The following NCOA1 variants were observed in gnomAD, a reference collection of about 807,000 sequenced individuals.
NCOA1 encodes nuclear receptor coactivator 1, also known as Hin-2 protein.
NCOA1 carries 35 observed loss-of-function variants against 150.9 expected under a neutral mutation model. The observed-to-expected ratio is 0.23, with a 90% confidence interval of 0.18 to 0.31. The LOEUF (loss-of-function observed/expected upper bound fraction) is 0.31. Ranked by LOEUF, NCOA1 falls within the 10% of genes least tolerant of loss-of-function variation. The pLI, the probability that NCOA1 is intolerant of heterozygous loss-of-function variation, is 1.00. For missense variants in NCOA1, 1,491 were observed against 1,749.3 expected (o/e 0.85, Z 2.63); for synonymous variants, 590 against 630.0 (o/e 0.94, Z 0.95).
rs182626888 is a variant in NCOA1, at chr2:24,517,495, G to A, written c.-396+25893G>A. ...TTTCTCTCTCAGGGTTTATGTCTGC[G>A]AGAACCGTTTCACACTGACAGGGTG... On this transcript the variant is annotated intron_variant, in intron 1 of 22. Coordinates refer to ENST00000348332, the MANE Select transcript of NCOA1 (RefSeq NM_003743.5). 1.1e-4 allele frequency among the ~76,000 whole-genome samples: 17 copies of A among 152,176 alleles called. No individual in the cohort carries two copies. In the East Asian group the frequency reaches 3.1e-3, roughly 28 times the overall value.
At chr2:24,501,097 ACAACTGATTGC>A (rs1663442290) in intron 1 of NCOA1, among the ~76,000 whole-genome samples, 1 of 152,250 alleles carries the variant, frequency 6.6e-6, no homozygotes, top group African/African-American at 2.4e-5. Flanking sequence ...GTTTATAAGA[ACAACTGATTGC>A]CATCAGAAGG....
intron 19 of NCOA1, among the ~76,000 whole-genome samples, chr2:24,750,754 A>G (rs1375733003): frequency 6.6e-6 from 1 of 152,114 alleles, no homozygotes; most frequent in Non-Finnish European, 1.5e-5. Context: ...GATCGTGGTA[A>G]TGGCGGCACA....
intron 1 of NCOA1, among the ~76,000 whole-genome samples, chr2:24,538,765 AC>A (rs1207805947): frequency 3.3e-5 from 5 of 152,178 alleles, no homozygotes; most frequent in African/African-American, 4.8e-5. Context: ...TTTGTCATGT[AC>A]GAGACTTCAG....
Position 24,665,753 on chromosome 2 carries a change from GA to G in NCOA1, c.98del (p.Lys33ArgfsTer11). ...SPCDTLASST[E>X]KRRREQENKY... The stretch of plus-strand genomic sequence containing the variant: ...TGGATTTTCTTTGTGTAACAGCACG[GA>G]AAAGAGGCGCAGGGAGCAAGAAAAT... On this transcript the variant is annotated frameshift_variant, in exon 6 of 23. Coordinates refer to ENST00000348332, the MANE Select transcript of NCOA1 (RefSeq NM_003743.5). LOFTEE classifies it high-confidence loss of function. 4.5e-6 allele frequency: 7 copies of G among 1,560,254 alleles called. No homozygotes were observed. The highest frequency in any genetic ancestry group is 2.4e-5 in the East Asian group (1 of 42,146).
intron 1 of NCOA1, among the ~76,000 whole-genome samples, chr2:24,550,875 A>G (rs1053327575): frequency 1.3e-5 from 2 of 152,170 alleles, no homozygotes; most frequent in African/African-American, 4.8e-5. Context: ...TTGGGAGGCC[A>G]AGGCGGGTGG....
At chr2:24,501,543 A>G (rs1663463096) in intron 1 of NCOA1, among the ~76,000 whole-genome samples, 1 of 152,150 alleles carries the variant, frequency 6.6e-6, no homozygotes, top group Non-Finnish European at 1.5e-5. Flanking sequence ...CCTTTTTTGT[A>G]TATGCCATAT....
chr2:24,492,393 C>T (rs1194849600), intron 1 of NCOA1, among the ~76,000 whole-genome samples: 2 of 152,196 alleles, frequency 1.3e-5, no homozygotes, highest in Non-Finnish European at 2.9e-5. Context: ...CACCCAGGGT[C>T]TCCAGTCCTT....
chr2:24,684,772 TC>T (rs1332141679), intron 8 of NCOA1, among the ~76,000 whole-genome samples: 9 of 152,254 alleles, frequency 5.9e-5, no homozygotes, highest in South Asian at 2.1e-4. Context: ...ATAGAATAGA[TC>T]ACCTAATCTT....
At chr2:24,659,341 A>G (rs1167858541) in intron 5 of NCOA1, among the ~76,000 whole-genome samples, 2 of 152,230 alleles carry the variant, frequency 1.3e-5, no homozygotes, top group African/African-American at 4.8e-5. Flanking sequence ...TGGAGCTAAG[A>G]AATATCAGGA....
chr2:24,550,160 C>T (rs1429030806), intron 1 of NCOA1, among the ~76,000 whole-genome samples: 1 of 152,196 alleles, frequency 6.6e-6, no homozygotes, highest in African/African-American at 2.4e-5. Flanking sequence ...AAGTTTGAAA[C>T]TTTCCCACAT....
intron 19 of NCOA1, among the ~76,000 whole-genome samples, chr2:24,743,706 T>A (rs1251448638): frequency 6.6e-6 from 1 of 152,212 alleles, no homozygotes; most frequent in Non-Finnish European, 1.5e-5. Flanking sequence ...TGTGTAGTCA[T>A]CTGCATCCCC....
At chr2:24,649,463 C>T (rs1558872789) in intron 4 of NCOA1, among the ~76,000 whole-genome samples, 1 of 152,180 alleles carries the variant, frequency 6.6e-6, no homozygotes, top group African/African-American at 2.4e-5. Flanking sequence ...AAGACATGTG[C>T]AGTATACCTG....
chr2:24,734,395 C>T (rs2148651841), intron 17 of NCOA1, among the ~76,000 whole-genome samples: 1 of 152,052 alleles, frequency 6.6e-6, no homozygotes, highest in East Asian at 1.9e-4. Flanking sequence ...TGGAATTTGA[C>T]AAATAGATGC....
chr2:24,715,809 CAAA>C (rs1330764227), intron 14 of NCOA1, among the ~76,000 whole-genome samples: 1 of 152,074 alleles, frequency 6.6e-6, no homozygotes, highest in Non-Finnish European at 1.5e-5. Flanking sequence ...TCAGTTATTC[CAAA>C]ATCAACCCAT....
At chr2:24,684,875 T>C (rs1209457982) in intron 8 of NCOA1, among the ~76,000 whole-genome samples, 1 of 152,190 alleles carries the variant, frequency 6.6e-6, no homozygotes, top group Non-Finnish European at 1.5e-5. Flanking sequence ...AGCCAATAGC[T>C]TCTTTCAAGG....
chr2:24,639,970 A>G (rs1015029560), intron 3 of NCOA1, among the ~76,000 whole-genome samples: 1 of 128,676 alleles, frequency 7.8e-6, no homozygotes, highest in South Asian at 2.4e-4. Flanking sequence ...ATATATATAT[A>G]TTCAGAGTAT....
intron 3 of NCOA1, among the ~76,000 whole-genome samples, 167 bp from the exon 4 acceptor site, chr2:24,643,799 T>C (rs552476808): frequency 6.6e-6 from 1 of 152,334 alleles, no homozygotes; most frequent in Admixed American, 6.5e-5. Flanking sequence ...GGACTTAAGC[T>C]GTAAAATGAG....
chr2:24,768,776 T>G lies in NCOA1; in HGVS notation c.*385T>G, dbSNP rs1665194564. 2 of 227,076 alleles carry G rather than the reference T, an allele frequency of 8.8e-6. No individual in the cohort carries two copies. Among genetic ancestry groups the G allele is most frequent in the Non-Finnish European group, 1.8e-5 (2 of 114,140 alleles). 14.1% of individuals were successfully genotyped at this position (227,076 alleles called of 1,614,324 possible). On this transcript the variant is annotated 3_prime_UTR_variant, in exon 23 of 23. Coordinates refer to ENST00000348332, the MANE Select transcript of NCOA1 (RefSeq NM_003743.5). ...ATGAAGCTCCGCCTCCGCCGCTTAG[T>G]CCCAACCCTGCCCAGGAAGAAGGGC...
chr2:24,758,830 A>G (rs1006825137), intron 21 of NCOA1, among the ~76,000 whole-genome samples: 2 of 146,292 alleles, frequency 1.4e-5, no homozygotes, highest in East Asian at 4.0e-4. Context: ...AAAAAAAAAC[A>G]AACAAAAATT....
Sources: allele counts gnomAD v4.1 joint callset (sites outside exome capture counted in the v4.1 genomes callset), GRCh38; gene constraint gnomAD v4.1.1; transcripts MANE v1.5; gene names NCBI Gene and HGNC (gene_info 2026-07-23, HGNC 2026-07-21).